Variants in DISC1 observed in about 807,000 individuals in gnomAD.
The protein encoded by DISC1 is DISC1 scaffold protein.
DISC1 carries 57 observed loss-of-function variants against 84.5 expected under a neutral mutation model. The observed-to-expected ratio is 0.67, with a 90% CI of 0.55 to 0.84. The LOEUF is 0.84. Among genes scored for constraint, DISC1 ranks in the 40% least tolerant of loss-of-function variants. The probability of loss-of-function intolerance (pLI) is 0.00; values close to 1 mark genes in which losing one functional copy is unlikely to be tolerated. For synonymous variants in DISC1, 411 were observed against 415.2 expected, an observed-to-expected ratio of 0.99 and a Z score of 0.12; for missense variants, 1,000 against 1,057.8, an observed-to-expected ratio of 0.95 and a Z score of 0.76.
At chr1:231,798,607 G>C (rs1428809871) in intron 7 of DISC1, among the ~76,000 whole-genome samples, 1 of 152,132 alleles carries the variant, frequency 6.6e-6, no homozygotes, top group Non-Finnish European at 1.5e-5. Context: ...TCTGGTTTGA[G>C]CCAAACTAAG....
intron 9 of DISC1, among the ~76,000 whole-genome samples, chr1:231,844,389 G>A (rs773285044): frequency 3.3e-5 from 5 of 152,130 alleles, no homozygotes; most frequent in Non-Finnish European, 7.4e-5. Context: ...TGGGGGTGGC[G>A]CAGAGCTTCC....
chr1:231,795,362 A>T (rs2078677474), intron 7 of DISC1, 66 bp downstream of exon 7: 1 of 1,428,914 alleles, frequency 7.0e-7, no homozygotes, highest in Non-Finnish European at 9.8e-7. Context: ...TTGATTTTAC[A>T]TCTAGATCTT....
chr1:231,989,774 A>G (rs931710466), intron 10 of DISC1, among the ~76,000 whole-genome samples: 1 of 152,214 alleles, frequency 6.6e-6, no homozygotes, highest in Non-Finnish European at 1.5e-5. Flanking sequence ...GGGCGTGCAC[A>G]GGTCTAAGTG....
At chr1:231,848,810 C>G (rs991473894) in intron 9 of DISC1, among the ~76,000 whole-genome samples, 1 of 152,146 alleles carries the variant, frequency 6.6e-6, no homozygotes, top group African/African-American at 2.4e-5. Flanking sequence ...TGCCTGATGT[C>G]TTGGATCAAG....
chr1:231,701,115 C>A (rs2066362109), intron 2 of DISC1, among the ~76,000 whole-genome samples: 1 of 152,096 alleles, frequency 6.6e-6, no homozygotes, highest in Non-Finnish European at 1.5e-5. Context: ...GGAAGCCTCA[C>A]AATCATGGTG....
chr1:231,923,239 A>G (rs956119762), intron 9 of DISC1, among the ~76,000 whole-genome samples: 2 of 151,464 alleles, frequency 1.3e-5, no homozygotes, highest in East Asian at 1.9e-4. Context: ...GTGAGTCAAG[A>G]TCACGCCACT....
At chr1:231,739,455 G>A (rs1193083275) in intron 3 of DISC1, among the ~76,000 whole-genome samples, 1 of 152,178 alleles carries the variant, frequency 6.6e-6, no homozygotes, top group Non-Finnish European at 1.5e-5. Flanking sequence ...TCATCACCAC[G>A]TGTGCTGCCA....
At chr1:231,741,996 A>C (rs1484241450) in intron 3 of DISC1, among the ~76,000 whole-genome samples, 1 of 152,110 alleles carries the variant, frequency 6.6e-6, no homozygotes, top group African/African-American at 2.4e-5. Flanking sequence ...CCTGTTAAAC[A>C]TGAGCTAGAT....
At chr1:231,750,983 G>A (rs1199729355) in intron 4 of DISC1, among the ~76,000 whole-genome samples, 1 of 152,186 alleles carries the variant, frequency 6.6e-6, no homozygotes, top group Admixed American at 6.5e-5. Flanking sequence ...CCTCCCTGAA[G>A]CCTGCCTGCA....
chr1:231,656,815 T>C (rs1045027664), intron 1 of DISC1, among the ~76,000 whole-genome samples: 1 of 152,214 alleles, frequency 6.6e-6, no homozygotes, highest in African/African-American at 2.4e-5. Flanking sequence ...CAGTGTGTGC[T>C]GTTCCCCTCT....
chr1:231,657,095 A>G (rs2061163143), intron 1 of DISC1, among the ~76,000 whole-genome samples: 1 of 152,238 alleles, frequency 6.6e-6, no homozygotes, highest in Non-Finnish European at 1.5e-5. Context: ...TGCAATGAAC[A>G]TACACATGCA....
intron 3 of DISC1, among the ~76,000 whole-genome samples, chr1:231,731,413 C>A (rs2071495579): frequency 6.6e-6 from 1 of 152,136 alleles, no homozygotes; most frequent in Non-Finnish European, 1.5e-5. Context: ...AGGGTGGTAA[C>A]TTCTGCATTG....
At chr1:231,689,826 A>G (rs2064771665) in intron 1 of DISC1, among the ~76,000 whole-genome samples, 2 of 152,232 alleles carry the variant, frequency 1.3e-5, no homozygotes, top group Non-Finnish European at 2.9e-5. Context: ...CACAGAAAAT[A>G]ATTAACAGTG....
chr1:231,714,523 A>G (rs768378522), intron 3 of DISC1, among the ~76,000 whole-genome samples: 11 of 152,116 alleles, frequency 7.2e-5, no homozygotes, highest in East Asian at 3.9e-4. Context: ...TGATTCAGCA[A>G]TTCTACTCAC....
intron 3 of DISC1, among the ~76,000 whole-genome samples, chr1:231,739,130 G>A (rs2793099): frequency 0.66 from 99,856 of 152,040 alleles, 34,806 homozygotes; most frequent in Non-Finnish European, 0.78. Context: ...TAGAAAATGT[G>A]TGTAAATGCA....
intron 1 of DISC1, among the ~76,000 whole-genome samples, chr1:231,634,534 T>A (rs989758565): frequency 5.3e-5 from 8 of 152,190 alleles, no homozygotes; most frequent in African/African-American, 1.7e-4. Flanking sequence ...TGAGACACTG[T>A]CCTTGGGGAT....
intron 3 of DISC1, among the ~76,000 whole-genome samples, chr1:231,713,728 G>GATAT (rs1469592956): frequency 7.3e-6 from 1 of 136,928 alleles, no homozygotes; most frequent in Non-Finnish European, 1.5e-5. Context: ...ATATATAGGA[G>GATAT]ATATATACAT....
At chr1:232,004,181 AAAGT>A (rs1667051402) in intron 10 of DISC1, among the ~76,000 whole-genome samples, 1 of 151,952 alleles carries the variant, frequency 6.6e-6, no homozygotes, top group Non-Finnish European at 1.5e-5. Flanking sequence ...AAGCTAATAA[AAAGT>A]AAGATAATAA....
intron 9 of DISC1, among the ~76,000 whole-genome samples, chr1:231,870,199 C>T (rs938487411): frequency 3.9e-5 from 6 of 152,126 alleles, no homozygotes; most frequent in Admixed American, 6.5e-5. Flanking sequence ...GGGAACATCA[C>T]TCCCAGGCAG....
Sources: gnomAD v4.1 joint callset for allele counts (sites outside exome capture counted in the v4.1 genomes callset) on GRCh38, gnomAD v4.1.1 for gene constraint, MANE v1.5 for transcripts, NCBI Gene and HGNC (gene_info 2026-07-23, HGNC 2026-07-21) for gene names.